SGCD: variants seen among roughly 807,000 people sequenced by gnomAD.
The protein encoded by SGCD is sarcoglycan delta.
In SGCD, 18 loss-of-function variants were observed where a neutral mutation model predicts 36.6. The observed-to-expected ratio is 0.49, with a 90% CI of 0.34 to 0.73. SGCD has a LOEUF of 0.73. Ranked by LOEUF, SGCD falls within the 30% of genes least tolerant of loss-of-function variation. The pLI is 0.01. For synonymous variants in SGCD, 133 were observed against 130.6 expected, an observed-to-expected ratio of 1.02 and a Z score of -0.12; for missense variants, 387 against 346.7, an observed-to-expected ratio of 1.12 and a Z score of -0.92.
At chr5:156,101,981 G>C (rs995803377) in intron 1 of SGCD, among the ~76,000 whole-genome samples, 5 of 146,854 alleles carry the variant, frequency 3.4e-5, no homozygotes, top group African/African-American at 1.3e-4. Context: ...GCTGTGAGTT[G>C]GTGGTAGTAC....
At chr5:156,088,892 A>G (rs370017496) in intron 1 of SGCD, among the ~76,000 whole-genome samples, 1 of 152,078 alleles carries the variant, frequency 6.6e-6, no homozygotes, top group African/African-American at 2.4e-5. Flanking sequence ...TTTATTTCAG[A>G]GTGGTGGACC....
chr5:156,372,283 C>A (rs888476894), intron 3 of SGCD, among the ~76,000 whole-genome samples: 1 of 152,128 alleles, frequency 6.6e-6, no homozygotes, highest in Non-Finnish European at 1.5e-5. Context: ...TTTATAGCAC[C>A]TTTATATGTG....
chr5:156,642,413 C>T (rs1763061057), intron 6 of SGCD, among the ~76,000 whole-genome samples: 1 of 151,202 alleles, frequency 6.6e-6, no homozygotes, highest in African/African-American at 2.4e-5. Context: ...TCTCTAGTCT[C>T]ACCACATGAT....
intron 2 of SGCD, among the ~76,000 whole-genome samples, chr5:156,336,941 G>A (rs529932514): frequency 1.8e-4 from 28 of 152,286 alleles, no homozygotes; most frequent in African/African-American, 6.5e-4. Context: ...CCATTCCTGG[G>A]CTAGTTCACA....
chr5:156,589,082 G>C, intron 4 of SGCD, 149 bp from the exon 5 acceptor site: 3 of 531,768 alleles, frequency 5.6e-6, no homozygotes, highest in Non-Finnish European at 6.9e-6. Flanking sequence ...ATGTACATAG[G>C]GATCTTTAAA....
At chr5:156,602,017 C>T (rs772015169) in intron 6 of SGCD, among the ~76,000 whole-genome samples, 11 of 152,186 alleles carry the variant, frequency 7.2e-5, no homozygotes, top group African/African-American at 1.2e-4. Context: ...TGCATTAAAT[C>T]GGTAGAATGT....
At chr5:156,207,848 A>T (rs1764331635) in intron 3 of SGCD, among the ~76,000 whole-genome samples, 1 of 152,108 alleles carries the variant, frequency 6.6e-6, no homozygotes. Flanking sequence ...GTAATTGATC[A>T]TCTTGATAGG....
At chr5:156,346,394 G>A (rs111286607) in intron 3 of SGCD, among the ~76,000 whole-genome samples, 2 of 152,098 alleles carry the variant, frequency 1.3e-5, no homozygotes, top group African/African-American at 4.8e-5. Context: ...GGACTCCTGG[G>A]CTCAAGCAAT....
At chr5:155,837,448 G>A in the SGCD span, among the ~76,000 whole-genome samples, 1 of 152,292 alleles carries the variant, frequency 6.6e-6, no homozygotes, top group East Asian at 1.9e-4. Flanking sequence ...ATGAGTCACT[G>A]CGCCCAGCCT....
At chr5:156,754,826 T>C (rs1193538231) in intron 7 of SGCD, among the ~76,000 whole-genome samples, 2 of 152,198 alleles carry the variant, frequency 1.3e-5, no homozygotes, top group African/African-American at 2.4e-5. Context: ...ACATAGCTGA[T>C]GTTTAAGGCA....
intron 1 of SGCD, among the ~76,000 whole-genome samples, chr5:155,995,202 C>A (rs1377877783): frequency 6.6e-6 from 1 of 152,098 alleles, no homozygotes; most frequent in African/African-American, 2.4e-5. Flanking sequence ...CTTAAAAATG[C>A]CCCCTTATCT....
At chr5:155,896,639 G>A (rs1050372365) in intron 1 of SGCD, among the ~76,000 whole-genome samples, 2 of 141,568 alleles carry the variant, frequency 1.4e-5, no homozygotes, top group Non-Finnish European at 3.0e-5. Context: ...GAGAGAGACC[G>A]TGTCTCAAAA....
At chr5:156,444,145 TTTCTCTCTCTCCTTCC>T (rs1753654510) in intron 3 of SGCD, among the ~76,000 whole-genome samples, 1 of 109,706 alleles carries the variant, frequency 9.1e-6, no homozygotes, top group Non-Finnish European at 2.1e-5. Context: ...TCTCCTTCCC[TTTCTCTCTCTCCTTCC>T]CTCTCTCTCT....
intron 1 of SGCD, among the ~76,000 whole-genome samples, chr5:155,932,840 T>C (rs1364330577): frequency 6.6e-6 from 1 of 152,188 alleles, no homozygotes; most frequent in African/African-American, 2.4e-5. Flanking sequence ...TTGACTCATA[T>C]GCAAAAAGAT....
the SGCD span, among the ~76,000 whole-genome samples, chr5:155,813,289 G>C: frequency 3.3e-5 from 5 of 152,016 alleles, no homozygotes; most frequent in African/African-American, 4.8e-5. Flanking sequence ...GATGATCAAA[G>C]CTTGTCTTGA....
intron 1 of SGCD, among the ~76,000 whole-genome samples, chr5:156,024,252 A>G (rs1759175639): frequency 6.6e-6 from 1 of 151,902 alleles, no homozygotes; most frequent in Non-Finnish European, 1.5e-5. Context: ...AAGATACCCC[A>G]ATGGGATGGT....
chr5:156,039,961 T>A, intron 1 of SGCD, among the ~76,000 whole-genome samples: 1 of 152,114 alleles, frequency 6.6e-6, no homozygotes, highest in East Asian at 1.9e-4. Flanking sequence ...ACAGTGAGTG[T>A]CAGGCCATTT....
chr5:155,933,742 G>T (rs1336994581), intron 1 of SGCD, among the ~76,000 whole-genome samples: 1 of 152,186 alleles, frequency 6.6e-6, no homozygotes, highest in Non-Finnish European at 1.5e-5. Flanking sequence ...GATTTGTGAG[G>T]ATTAAAATGG....
At chr5:155,837,330 GTATTTT>G in the SGCD span, among the ~76,000 whole-genome samples, 2 of 151,974 alleles carry the variant, frequency 1.3e-5, no homozygotes, top group East Asian at 3.9e-4. Flanking sequence ...GCTAATTTTT[GTATTTT>G]TAGTAGAGAT....
Sources: allele counts gnomAD v4.1 joint callset (sites outside exome capture counted in the v4.1 genomes callset), GRCh38; gene constraint gnomAD v4.1.1; transcripts MANE v1.5; gene names NCBI Gene and HGNC (gene_info 2026-07-23, HGNC 2026-07-21).